Variants in GSDMD observed in about 807,000 individuals in gnomAD.
GSDMD encodes the protein gasdermin D, also known as gasdermin-D.
Under a neutral mutation model 46.7 loss-of-function variants are expected in GSDMD, and 46 were observed. The ratio of observed to expected loss-of-function variants is 0.99; its 90% CI spans 0.78 to 1.26. GSDMD has a LOEUF of 1.26. Among genes scored for constraint, GSDMD ranks in the 50% most tolerant of loss-of-function variants. The pLI, the probability that GSDMD is intolerant of heterozygous loss-of-function variation, is 0.00. For synonymous variants in GSDMD, 307 were observed against 283.1 expected, an observed-to-expected ratio of 1.08 and a Z score of -0.85; for missense variants, 649 against 638.8, an observed-to-expected ratio of 1.02 and a Z score of -0.17.
Position 143,561,062 on chromosome 8 carries a change from C to T in GSDMD, c.640C>T (p.Leu214Phe), listed in dbSNP as rs370525999. Residue 214 changes from leucine to phenylalanine, a missense_variant, in exon 5 of 11, where the codon CTC (leucine) becomes TTC (phenylalanine). Coordinates refer to ENST00000262580, the MANE Select transcript of GSDMD (RefSeq NM_024736.7). ...KTVTIPSGST[L>F]AFRVAQLVID... The stretch of plus-strand genomic sequence containing the variant: ...GGTCACCATCCCCTCAGGCAGCACC[C>T]TCGCATTCCGGGTGGCCCAGCTGGT... 1.9e-6 allele frequency: 3 copies of T among 1,613,110 alleles called. No homozygotes were observed. The highest frequency in any genetic ancestry group is 2.5e-6 in the Non-Finnish European group (3 of 1,179,988).
At chr8:143,556,645 G>A (rs1240678389), upstream of GSDMD, among the ~76,000 whole-genome samples, 1 of 152,242 alleles carries the variant, frequency 6.6e-6, no homozygotes, top group Non-Finnish European at 1.5e-5. Context: ...GTCAGGCCTA[G>A]GAGTGGGGCC....
intron 1 of GSDMD, 52 bp from the exon 2 acceptor site, chr8:143,559,280 T>TGGGCCC: frequency 5.2e-6 from 3 of 579,430 alleles, no homozygotes; most frequent in Non-Finnish European, 3.2e-6. Context: ...CTTCTCCCAC[T>TGGGCCC]CCCTCCCGCC....
Position 143,562,699 on chromosome 8 carries a change from A to G in GSDMD, c.1250A>G (p.Glu417Gly). 1.9e-6 allele frequency: 3 copies of G among 1,601,976 alleles called. No individual in the cohort carries two copies. Among genetic ancestry groups the G allele is most frequent in the Non-Finnish European group, 2.6e-6 (3 of 1,174,684 alleles). ...TTGGAGCAGAGTGCCCCGTGGCAGGAGCGCAGCACCATGTCCCTGCCCCCC... is the reference window on the plus strand; with the variant it reads ...TTGGAGCAGAGTGCCCCGTGGCAGGGGCGCAGCACCATGTCCCTGCCCCCC... ...SLLEQSAPWQ[E>G]RSTMSLPPGL... Residue 417 changes from glutamate to glycine, a missense_variant, in exon 11 of 11, where the codon GAG (glutamate) becomes GGG (glycine). Transcript: ENST00000262580.
At position 143,560,613 on chromosome 8, in the gene GSDMD, C is replaced by A; in HGVS notation, c.421C>A (p.Gln141Lys). The change falls in exon 4 of 11, where the codon CAG (glutamine) becomes AAG (lysine). Residue 141 changes from glutamine (Q) to lysine (K), a missense_variant. Physicochemically the swap from Gln to Lys is moderately conservative, Grantham distance 53. Coordinates refer to ENST00000262580, the MANE Select transcript of GSDMD (RefSeq NM_024736.7). Reference sequence around the variant, plus strand: ...GCTCCTCGGACACAGGCACCTGCGGCAGCCAGAACACAAAGTCCTGCAGCA... The same window carrying A: ...GCTCCTCGGACACAGGCACCTGCGGAAGCCAGAACACAAAGTCCTGCAGCA... ...QTLLHERHLR[Q>K]PEHKVLQQLR... 1 of 1,583,746 alleles carries A rather than the reference C, an allele frequency of 6.3e-7. No homozygotes were observed. Among genetic ancestry groups the A allele is most frequent in the South Asian group, 1.1e-5 (1 of 87,286 alleles).
At chr8:143,558,332 C>T (rs1354159401), upstream of GSDMD, 3 of 1,523,208 alleles carry the variant, frequency 2.0e-6, no homozygotes, top group South Asian at 2.4e-5. Flanking sequence ...CCTGGGCGGG[C>T]CCTGCGTCAG....
At chr8:143,557,352 C>CTATGACGAAGGATGCTGCCGT, upstream of GSDMD, among the ~76,000 whole-genome samples, 1 of 147,694 alleles carries the variant, frequency 6.8e-6, no homozygotes, top group Non-Finnish European at 1.5e-5. Context: ...GATGCTGCCG[C>CTATGACGAAGGATGCTGCCGT]TTTGGCGAAG....
Position 143,558,436 on chromosome 8 carries a change from G to A in GSDMD, c.-20G>A. ...GACGCGCCAGACGCGCCACCCTCGG[G>A]GCGCCGACGGTCACGGTGAGCTGCG... On this transcript the variant is annotated 5_prime_UTR_variant, in exon 1 of 11. Transcript: ENST00000262580. 1 of 1,503,944 alleles carries A rather than the reference G, an allele frequency of 6.6e-7. No individual in the cohort carries two copies. The highest frequency in any genetic ancestry group is 8.8e-7 in the Non-Finnish European group (1 of 1,132,962). The allele number at this position is 1,503,944 out of a possible 1,614,324, so 93.2% of individuals were successfully genotyped here.
upstream of GSDMD, among the ~76,000 whole-genome samples, chr8:143,555,469 C>T (rs565325398): frequency 2.0e-5 from 3 of 152,336 alleles, no homozygotes; most frequent in African/African-American, 7.2e-5. Context: ...CCAACTCTGC[C>T]CCAGCCAGGA....
At chr8:143,560,918 G>A (rs777518064) in intron 4 of GSDMD, 84 bp from the exon 5 acceptor site, 25 of 1,463,068 alleles carry the variant, frequency 1.7e-5, no homozygotes, top group South Asian at 2.5e-5. Context: ...ACCTGGCGGC[G>A]GGCCTGCCCC....
At chr8:143,557,786 G>A (rs142351539), upstream of GSDMD, 237 of 311,412 alleles carry the variant, frequency 7.6e-4, no homozygotes, top group African/African-American at 5.0e-3. Flanking sequence ...GCATTTCCTT[G>A]ATGACTAAGG....
chr8:143,557,998 G>T (rs1210314229), upstream of GSDMD: 1 of 398,850 alleles, frequency 2.5e-6, no homozygotes, highest in South Asian at 1.9e-5. Flanking sequence ...AGGTTCAAGC[G>T]ATTCTCTTGC....
intron 1 of GSDMD, 34 bp downstream of exon 1, chr8:143,558,485 C>T: frequency 6.9e-7 from 1 of 1,440,970 alleles, no homozygotes. Context: ...CCCGGCCTGG[C>T]TGGAGCTCCC....
In GSDMD at chr8:143,558,451, G is replaced by A. The variant is rs1431431091; in HGVS notation, c.-5G>A. ...CCACCCTCGGGGCGCCGACGGTCAC[G>A]GTGAGCTGCGCCCCGCCCCCTCCCC... is the stretch of plus-strand genomic sequence containing the variant. On this transcript the variant is annotated splice_region_variant and 5_prime_UTR_variant, in exon 1 of 11. Transcript: ENST00000262580. 4.0e-6 allele frequency: 6 copies of A among 1,494,732 alleles called. No homozygotes were observed. Among genetic ancestry groups the A allele is most frequent in the Non-Finnish European group, 5.3e-6 (6 of 1,128,576 alleles). The allele number at this position is 1,494,732 out of a possible 1,614,324, so 92.6% of individuals were successfully genotyped here.
chr8:143,557,757 C>T, upstream of GSDMD: 1 of 311,848 alleles, frequency 3.2e-6, no homozygotes, highest in Non-Finnish European at 6.3e-6. Context: ...TGTGCAGTAT[C>T]TCTCTGTGGA....
rs762430562 is a variant in GSDMD, at chr8:143,562,171, C to T, written c.997-38C>T. On this transcript the variant is annotated intron_variant, in intron 8 of 10. Transcript: ENST00000262580. The stretch of plus-strand genomic sequence containing the variant: ...GTGCCCGGGGCACACAAGGCCTGCC[C>T]AGCCAGCCAGACTCACCTGCCCTTC... The T allele has an allele frequency of 1.9e-6, 3 of 1,594,710 alleles. No individual in the cohort carries two copies. The South Asian group carries it at 3.3e-5, about 18-fold the overall frequency.
upstream of GSDMD, among the ~76,000 whole-genome samples, chr8:143,554,585 G>T (rs1415556992): frequency 6.9e-6 from 1 of 145,976 alleles, no homozygotes. Flanking sequence ...CAACACGCAC[G>T]TGCATACACG....
upstream of GSDMD, among the ~76,000 whole-genome samples, chr8:143,557,333 ATGGTGAAGGATGC>A (rs1823320751): frequency 2.2e-5 from 1 of 45,146 alleles, no homozygotes; most frequent in African/African-American, 8.1e-5. Context: ...TGCTGCCGCT[ATGGTGAAGGATGC>A]TGCCGCTTTG....
chr8:143,559,205 G>A, intron 1 of GSDMD, 127 bp from the exon 2 acceptor site: 4 of 648,552 alleles, frequency 6.2e-6, no homozygotes, highest in South Asian at 5.7e-5. Flanking sequence ...ATCCCAGGAT[G>A]AGCTGGGCAG....
chr8:143,558,344 T>C (rs760398054), upstream of GSDMD: 6 of 1,524,448 alleles, frequency 3.9e-6, no homozygotes, highest in South Asian at 7.2e-5. Flanking sequence ...CTGCGTCAGG[T>C]TGCAGTTTCA....
Sources: allele counts gnomAD v4.1 joint callset (sites outside exome capture counted in the v4.1 genomes callset), GRCh38; gene constraint gnomAD v4.1.1; transcripts MANE v1.5; gene names NCBI Gene and HGNC (gene_info 2026-07-23, HGNC 2026-07-21).